The following SCN11A variants were observed in gnomAD, a reference collection of about 807,000 sequenced individuals.
SCN11A encodes sodium channel protein type 11 subunit alpha.
In SCN11A, 122 loss-of-function variants were observed where a neutral mutation model predicts 162.2. That is an observed-to-expected ratio of 0.75 (90% CI 0.65 to 0.87). SCN11A has a LOEUF of 0.87. Ranked by LOEUF, SCN11A falls within the 40% of genes least tolerant of loss-of-function variation. The probability of loss-of-function intolerance (pLI) is 0.00; values close to 1 mark genes in which losing one functional copy is unlikely to be tolerated. For missense variants in SCN11A, 2,015 were observed against 2,181.6 expected (o/e 0.92, Z 1.52); for synonymous variants, 758 against 751.5 (o/e 1.01, Z -0.14).
chr3:38,948,736 GT>G (rs1033477657), intron 5 of SCN11A, among the ~76,000 whole-genome samples: 1 of 152,166 alleles, frequency 6.6e-6, no homozygotes, highest in African/African-American at 2.4e-5. Flanking sequence ...CTGAGAAGTG[GT>G]GGTCCTAGAA....
At chr3:39,036,307 G>A (rs922964497) in intron 1 of SCN11A, among the ~76,000 whole-genome samples, 1 of 152,072 alleles carries the variant, frequency 6.6e-6, no homozygotes. Flanking sequence ...ACCACATCTG[G>A]CTAATTTATG....
chr3:39,023,906 G>T (rs1056676353), intron 2 of SCN11A, among the ~76,000 whole-genome samples: 1 of 152,126 alleles, frequency 6.6e-6, no homozygotes, highest in Non-Finnish European at 1.5e-5. Context: ...GCCTCCCAAA[G>T]TGCTAGGATT....
At chr3:38,958,861 A>T (rs1461551758) in intron 3 of SCN11A, among the ~76,000 whole-genome samples, 1 of 152,204 alleles carries the variant, frequency 6.6e-6, no homozygotes, top group African/African-American at 2.4e-5. Flanking sequence ...ATTTTATGAG[A>T]TATATATTAT....
rs949026117 is a variant in SCN11A, at chr3:38,997,235, G to C, written c.-280+35145C>G. Among the ~76,000 whole-genome samples, 4 of 152,224 alleles carry C rather than the reference G, an allele frequency of 2.6e-5. 1 individual carries two copies. The highest frequency in any genetic ancestry group is 4.2e-4 in the South Asian group (2 of 4,810). On this transcript the variant is annotated intron_variant, in intron 2 of 29. Coordinates refer to ENST00000302328, the MANE Select transcript of SCN11A (RefSeq NM_001349253.2). ...CCATTAAATCTCTGACCTTGCTTTT[G>C]GTCTCTCTTACTTACACTTACTCCA...
At chr3:38,857,668 A>C (rs759090604) in intron 28 of SCN11A, among the ~76,000 whole-genome samples, 1 of 152,138 alleles carries the variant, frequency 6.6e-6, no homozygotes, top group African/African-American at 2.4e-5. Context: ...TCATCACAAA[A>C]AGATTATCAC....
At position 38,896,136 on chromosome 3, in the gene SCN11A, G is replaced by A. The variant is rs2065593630; in HGVS notation, c.2403+709C>T. Among the ~76,000 whole-genome samples the A allele has an allele frequency of 2.6e-5, 4 of 152,234 alleles. 1 individual carries two copies. In the South Asian group the frequency reaches 8.3e-4, roughly 32 times the overall value. ...CAGGCCAATTATGACATGAATACAG[G>A]TTTGTTCTCTCTTTTCACTCTACCT... is the stretch of plus-strand genomic sequence containing the variant. On this transcript the variant is annotated intron_variant, in intron 18 of 29. Coordinates refer to ENST00000302328, the MANE Select transcript of SCN11A (RefSeq NM_001349253.2).
chr3:38,989,838 C>G (rs184280799), intron 2 of SCN11A, among the ~76,000 whole-genome samples: 421 of 152,010 alleles, frequency 2.8e-3, no homozygotes, highest in Non-Finnish European at 5.0e-3. Context: ...AGGCCCCCTA[C>G]AATCCGTTCC....
At chr3:38,989,951 CTCA>C in intron 2 of SCN11A, among the ~76,000 whole-genome samples, 1 of 152,164 alleles carries the variant, frequency 6.6e-6, no homozygotes, top group African/African-American at 2.4e-5. Context: ...TTTCCAGAGG[CTCA>C]CACAGCTGTC....
intron 2 of SCN11A, among the ~76,000 whole-genome samples, chr3:38,987,312 C>CACACACAA (rs1373775070): frequency 1.0e-5 from 1 of 97,718 alleles, no homozygotes; most frequent in Non-Finnish European, 2.0e-5. Context: ...CTCACACACA[C>CACACACAA]ACACACACAC....
At chr3:38,980,197 A>T (rs2029976016) in intron 2 of SCN11A, among the ~76,000 whole-genome samples, 2 of 152,116 alleles carry the variant, frequency 1.3e-5, no homozygotes, top group Admixed American at 1.3e-4. Context: ...AACTCACAGT[A>T]GGTGTGAATG....
rs757644917 is a variant in SCN11A, at chr3:38,886,138, T to C, written c.2936A>G (p.Gln979Arg). The change falls in exon 20 of 30, where the codon CAG becomes CGG. Residue 979 changes from glutamine to arginine, a missense_variant. Coordinates refer to ENST00000302328, the MANE Select transcript of SCN11A (RefSeq NM_001349253.2). ...TAGGAAAATTACCTTTCGGGGATCC[T>C]GTATGGTCAGATGAGGCTCATCTTC... The part of the protein sequence containing the change: ...FSEDEPHLTI[Q>R]DPRKKSDVTS... 3 of 1,610,110 alleles carry C rather than the reference T, an allele frequency of 1.9e-6. No individual in the cohort carries two copies. The highest frequency in any genetic ancestry group is 2.2e-5 in the South Asian group (2 of 90,900).
intron 28 of SCN11A, among the ~76,000 whole-genome samples, chr3:38,859,766 T>C (rs890142695): frequency 2.6e-5 from 4 of 152,218 alleles, no homozygotes; most frequent in African/African-American, 7.2e-5. Flanking sequence ...ATTCAGTTCA[T>C]GGCTTGACTT....
At chr3:38,909,472 G>T (rs1222593664) in intron 12 of SCN11A, among the ~76,000 whole-genome samples, 1 of 152,106 alleles carries the variant, frequency 6.6e-6, no homozygotes, top group African/African-American at 2.4e-5. Context: ...AATAAAAGTG[G>T]CAAGAGAGAT....
chr3:38,927,143 G>T (rs2066156120), intron 7 of SCN11A, among the ~76,000 whole-genome samples: 1 of 152,156 alleles, frequency 6.6e-6, no homozygotes, highest in Non-Finnish European at 1.5e-5. Flanking sequence ...GATAAATTGT[G>T]AAGCTGCATT....
At chr3:38,938,444 T>C (rs1214963429) in intron 7 of SCN11A, among the ~76,000 whole-genome samples, 1 of 140,888 alleles carries the variant, frequency 7.1e-6, no homozygotes, top group Non-Finnish European at 1.5e-5. Flanking sequence ...ATTCATATTT[T>C]AGAAAATGTT....
rs114575381 is a variant in SCN11A at position 39,042,516 on chromosome 3, A to G, written c.-404+9345T>C. Among the ~76,000 whole-genome samples the G allele has an allele frequency of 4.9e-3, 750 of 152,324 alleles. 11 individuals are homozygous for G. Among genetic ancestry groups the G allele is most frequent in the African/African-American group, 0.016 (681 of 41,564 alleles). On this transcript the variant is annotated intron_variant, in intron 1 of 29. Transcript: ENST00000302328. ...GATCACATCAAGATTCCGCACAGCAAAGGAAAAAATCATCAAGGTGAAGAG... is the reference window on the plus strand; with the variant it reads ...GATCACATCAAGATTCCGCACAGCAGAGGAAAAAATCATCAAGGTGAAGAG...
At chr3:38,876,650 C>A (rs1371054146) in intron 23 of SCN11A, among the ~76,000 whole-genome samples, 1 of 152,000 alleles carries the variant, frequency 6.6e-6, no homozygotes, top group African/African-American at 2.4e-5. Flanking sequence ...AAATCATAAC[C>A]ACAATGTGAT....
chr3:38,985,968 T>C (rs1426162150), intron 2 of SCN11A, among the ~76,000 whole-genome samples: 2 of 150,952 alleles, frequency 1.3e-5, no homozygotes, highest in African/African-American at 5.0e-5. Context: ...TGAGGCAAGG[T>C]TGTACTGGCC....
At chr3:38,867,148 T>C (rs2065053516) in intron 27 of SCN11A, among the ~76,000 whole-genome samples, 173 bp downstream of exon 27, 1 of 152,222 alleles carries the variant, frequency 6.6e-6, no homozygotes, top group South Asian at 2.1e-4. Flanking sequence ...TTCAGTCTTC[T>C]TTCAGCCTCA....
Sources: allele counts gnomAD v4.1 joint callset (sites outside exome capture counted in the v4.1 genomes callset), GRCh38; gene constraint gnomAD v4.1.1; transcripts MANE v1.5; gene names NCBI Gene and HGNC (gene_info 2026-07-23, HGNC 2026-07-21).